The following PCDHGA5 variants were observed in gnomAD, a reference collection of about 807,000 sequenced individuals.
The protein encoded by PCDHGA5 is protocadherin gamma subfamily A, 5, also known as protocadherin gamma-A5.
Under a neutral mutation model 56.7 loss-of-function variants are expected in PCDHGA5, and 36 were observed. The ratio of observed to expected loss-of-function variants is 0.64; its 90% CI spans 0.49 to 0.84. PCDHGA5 has a LOEUF of 0.84. Ranked by LOEUF, PCDHGA5 falls within the 40% of genes least tolerant of loss-of-function variation. The probability of loss-of-function intolerance (pLI) is 0.00; values close to 1 mark genes in which losing one functional copy is unlikely to be tolerated. For missense variants in PCDHGA5, 1,305 were observed against 1,201.5 expected (o/e 1.09, Z -1.27); for synonymous variants, 563 against 520.2 (o/e 1.08, Z -1.12).
Position 141,511,186 on chromosome 5 carries a change from G to A in PCDHGA5, c.*13G>A. 1 of 1,613,906 alleles carries A rather than the reference G, an allele frequency of 6.2e-7. No individual in the cohort carries two copies. The highest frequency in any genetic ancestry group is 8.5e-7 in the Non-Finnish European group (1 of 1,179,890). ...GGAGAAGAAGTAACATGGAGGCCAG[G>A]CCAAGAGCCACAGGGCGGCCTCTCC... On this transcript the variant is annotated 3_prime_UTR_variant, in exon 4 of 4. Transcript: ENST00000518069.
chr5:141,413,043 C>A, intron 1 of PCDHGA5: 1 of 864,340 alleles, frequency 1.2e-6, no homozygotes, highest in Non-Finnish European at 1.7e-6. Flanking sequence ...TGCTGGGCTG[C>A]AGGGAAGCTC....
At chr5:141,390,377 T>G in intron 1 of PCDHGA5, 9 of 1,463,992 alleles carry the variant, frequency 6.1e-6, no homozygotes, top group Non-Finnish European at 8.4e-6. Flanking sequence ...TATATAATTT[T>G]TAGATGTCAT....
chr5:141,468,443 G>A (rs760789357), intron 1 of PCDHGA5: 6 of 152,124 alleles, frequency 3.9e-5, no homozygotes, highest in Non-Finnish European at 8.8e-5. Context: ...AAATGTGGGT[G>A]CAAAATTAAA....
intron 1 of PCDHGA5, chr5:141,394,163 T>C (rs1207627975): frequency 3.7e-6 from 6 of 1,613,782 alleles, no homozygotes; most frequent in Non-Finnish European, 5.1e-6. Flanking sequence ...ACAACCCTCC[T>C]ACTTTCCCTC....
chr5:141,371,638 T>A, intron 1 of PCDHGA5: 1 of 1,613,996 alleles, frequency 6.2e-7, no homozygotes, highest in Non-Finnish European at 8.5e-7. Context: ...CGGGAGCAGA[T>A]CCCAGAATAC....
Position 141,511,225 on chromosome 5 carries a change from C to A in PCDHGA5, c.*52C>A. ...GGCGGCCTCTCCCCAACCAGCCCAG[C>A]TTCTCCTTACCTGCACCCAGGCCTC... On this transcript the variant is annotated 3_prime_UTR_variant, in exon 4 of 4. Transcript: ENST00000518069. The A allele has an allele frequency of 6.2e-7, 1 of 1,601,624 alleles. No individual in the cohort carries two copies. Among genetic ancestry groups the A allele is most frequent in the Non-Finnish European group, 8.5e-7 (1 of 1,174,162 alleles).
chr5:141,413,134 G>A, intron 1 of PCDHGA5: 1 of 1,543,438 alleles, frequency 6.5e-7, no homozygotes, highest in South Asian at 1.3e-5. Flanking sequence ...AACACACAAC[G>A]TGTCCAGTGA....
rs2154586748 is a variant in PCDHGA5 at position 141,491,733 on chromosome 5, T to A, written c.2422-3074T>A. The A allele has an allele frequency of 6.2e-7, 1 of 1,602,698 alleles. No individual in the cohort carries two copies. Among genetic ancestry groups the A allele is most frequent in the Non-Finnish European group, 8.5e-7 (1 of 1,175,258 alleles). On this transcript the variant is annotated intron_variant, in intron 1 of 3. Transcript: ENST00000518069. The surrounding 1 kb of genome is among the most constrained non-coding windows in gnomAD (Gnocchi z 6.9). ...GCTCGGCGCCGCCCCGGGCGACCCC[T>A]GGGGGCGGCACTGGAGAAGCCGCCC...
chr5:141,466,468 T>C (rs1266315455), intron 1 of PCDHGA5, among the ~76,000 whole-genome samples: 1 of 152,368 alleles, frequency 6.6e-6, no homozygotes, highest in East Asian at 1.9e-4. Flanking sequence ...TTGTTTCTGC[T>C]GTTAATTGTA....
chr5:141,455,616 A>G (rs2154565146), intron 1 of PCDHGA5, among the ~76,000 whole-genome samples: 1 of 152,244 alleles, frequency 6.6e-6, no homozygotes, highest in South Asian at 2.1e-4. Flanking sequence ...GGATGTTCTA[A>G]ACACGTGGAG....
At chr5:141,413,924 A>T in intron 1 of PCDHGA5, 1 of 1,613,408 alleles carries the variant, frequency 6.2e-7, no homozygotes, top group Non-Finnish European at 8.5e-7. Context: ...ACCTTGCCAG[A>T]ATACCGAGTG....
intron 1 of PCDHGA5, chr5:141,478,197 T>G (rs2099437910): frequency 6.2e-7 from 1 of 1,613,956 alleles, no homozygotes; most frequent in Admixed American, 1.7e-5. Context: ...ACCTTTTATC[T>G]ACTTCTTTCT....
rs70988800 is a variant in PCDHGA5, at chr5:141,379,889, C to CTTTTTTTTTTTTTTTTTTTTTTT, written c.2421+13146_2421+13168dup. Among the ~76,000 whole-genome samples the CTTTTTTTTTTTTTTTTTTTTTTT allele has an allele frequency of 1.4e-3, 69 of 50,828 alleles. 14 individuals are homozygous for CTTTTTTTTTTTTTTTTTTTTTTT. The highest frequency in any genetic ancestry group is 2.0e-3 in the Non-Finnish European group (53 of 25,880). 33.3% of individuals were successfully genotyped at this position (50,828 alleles called of 152,430 possible). Reference sequence around the variant, plus strand: ...CTTATTTTATGGTCTGTGAAAGCCTCTTTTTTTTTTTTTTTTTTTTTTTTT... The same window carrying CTTTTTTTTTTTTTTTTTTTTTTT: ...CTTATTTTATGGTCTGTGAAAGCCTCTTTTTTTTTTTTTTTTTTTTTTTTTTTTTTTTTTTTTTTTTTTTTTTT... On this transcript the variant is annotated intron_variant, in intron 1 of 3. Coordinates refer to ENST00000518069, the MANE Select transcript of PCDHGA5 (RefSeq NM_018918.3).
intron 2 of PCDHGA5, 91 bp from the exon 3 acceptor site, chr5:141,505,302 G>T: frequency 6.3e-7 from 1 of 1,592,714 alleles, no homozygotes; most frequent in Non-Finnish European, 8.5e-7. Context: ...TAGGGTTAGG[G>T]TACTAGGTTT....
rs1445356223 is a variant in PCDHGA5, at chr5:141,490,414, G to T, written c.2422-4393G>T. On this transcript the variant is annotated intron_variant, in intron 1 of 3. Transcript: ENST00000518069. This position sits in a 1 kb window ranked among gnomAD's most constrained non-coding sequence, Gnocchi z 5.4. ...TGAAGTGAGCCTTGATATCTCTCCGGACCTGCCATTTCAGATTAAGCCTTC... is the reference window on the plus strand; with the variant it reads ...TGAAGTGAGCCTTGATATCTCTCCGTACCTGCCATTTCAGATTAAGCCTTC... The T allele has an allele frequency of 1.2e-6, 2 of 1,614,138 alleles. No homozygotes were observed. The highest frequency in any genetic ancestry group is 1.7e-6 in the Non-Finnish European group (2 of 1,180,024).
At chr5:141,377,750 G>A (rs532331824) in intron 1 of PCDHGA5, 1 of 152,230 alleles carries the variant, frequency 6.6e-6, no homozygotes, top group South Asian at 2.1e-4. Context: ...ACTGCAGCAG[G>A]GGACACCAGA....
intron 1 of PCDHGA5, chr5:141,403,541 G>A (rs1332209242): frequency 6.2e-7 from 1 of 1,614,016 alleles, no homozygotes. Context: ...GCTGGTGCTG[G>A]AGCGCGCCCT....
intron 1 of PCDHGA5, chr5:141,400,255 C>A (rs2093990770): frequency 4.3e-6 from 7 of 1,613,928 alleles, no homozygotes; most frequent in Non-Finnish European, 1.7e-6. Context: ...CGTTGCCTTG[C>A]GCCTGCGACG....
chr5:141,496,077 C>G (rs1269618753), intron 2 of PCDHGA5, among the ~76,000 whole-genome samples: 1 of 152,042 alleles, frequency 6.6e-6, no homozygotes, highest in African/African-American at 2.4e-5. Flanking sequence ...CACACACAAC[C>G]CCCCACCCAC....
Sources: allele counts gnomAD v4.1 joint callset (sites outside exome capture counted in the v4.1 genomes callset), GRCh38; gene constraint gnomAD v4.1.1; non-coding constraint Gnocchi (gnomAD v3.1); transcripts MANE v1.5; gene names NCBI Gene and HGNC (gene_info 2026-07-23, HGNC 2026-07-21).